TNR: variants seen among roughly 807,000 people sequenced by gnomAD.
TNR encodes tenascin R, also known as tenascin-R.
In TNR, 45 loss-of-function variants were observed where a neutral mutation model predicts 150.4. The observed-to-expected ratio is 0.30, with a 90% CI of 0.24 to 0.38. The LOEUF is 0.38. Among genes scored for constraint, TNR ranks in the 10% least tolerant of loss-of-function variants. The pLI, the probability that TNR is intolerant of heterozygous loss-of-function variation, is 1.00. For synonymous variants in TNR, 687 were observed against 678.4 expected, an observed-to-expected ratio of 1.01 and a Z score of -0.20; for missense variants, 1,544 against 1,759.1, an observed-to-expected ratio of 0.88 and a Z score of 2.19.
intron 1 of TNR, among the ~76,000 whole-genome samples, chr1:175,647,499 G>C (rs1664843403): frequency 1.3e-5 from 2 of 150,896 alleles, no homozygotes; most frequent in South Asian, 4.2e-4. Context: ...AAGAAGCAAA[G>C]TAAAGGGAAG....
chr1:175,380,760 A>G (rs1414708989), intron 8 of TNR, among the ~76,000 whole-genome samples: 1 of 152,176 alleles, frequency 6.6e-6, no homozygotes, highest in Non-Finnish European at 1.5e-5. Context: ...AACAGCATAA[A>G]CAACTTGCAG....
At chr1:175,397,017 C>A (rs539551026) in intron 4 of TNR, among the ~76,000 whole-genome samples, 1 of 152,200 alleles carries the variant, frequency 6.6e-6, no homozygotes, top group African/African-American at 2.4e-5. Flanking sequence ...CATGAACATG[C>A]ACTGGAGCCA....
At chr1:175,729,167 CA>C (rs2101951612) in intron 1 of TNR, among the ~76,000 whole-genome samples, 1 of 152,180 alleles carries the variant, frequency 6.6e-6, no homozygotes, top group Non-Finnish European at 1.5e-5. Context: ...TCCTTCCTTC[CA>C]TTTTTTTTAA....
chr1:175,467,837 G>A (rs1349331323), intron 2 of TNR, among the ~76,000 whole-genome samples: 1 of 152,130 alleles, frequency 6.6e-6, no homozygotes, highest in Non-Finnish European at 1.5e-5. Context: ...ACTCCATTGG[G>A]CAAAGAAATT....
chr1:175,323,176 G>A lies in TNR; in HGVS notation c.*181C>T. 1.4e-6 allele frequency: 1 copy of A among 700,964 alleles called. No homozygotes were observed. Among genetic ancestry groups the A allele is most frequent in the Non-Finnish European group, 2.2e-6 (1 of 450,768 alleles). The allele number at this position is 700,964 out of a possible 1,614,324, so 43.4% of individuals were successfully genotyped here. On this transcript the variant is annotated 3_prime_UTR_variant, in exon 23 of 23. Coordinates refer to ENST00000367674, the MANE Select transcript of TNR (RefSeq NM_003285.3). ...AGGGAGAATGGAGACTGAGGGTCAG[G>A]CTCCAGGGCAGCAGAAACCAAGAGC... is the stretch of plus-strand genomic sequence containing the variant.
rs907027884 is a variant in TNR at position 175,362,025 on chromosome 1, C to A, written c.2854+638G>T. Among the ~76,000 whole-genome samples, 3 of 152,170 alleles carry A rather than the reference C, an allele frequency of 2.0e-5. No homozygotes were observed. In the South Asian group the frequency reaches 6.2e-4, roughly 31 times the overall value. ...TCCCTTGCACCTCCCTTCCTCTGGT[C>A]ATTATGTAGGAGCTGATGGAGGATG... On this transcript the variant is annotated intron_variant, in intron 14 of 22. Transcript: ENST00000367674.
intron 1 of TNR, among the ~76,000 whole-genome samples, chr1:175,545,414 T>G (rs894361551): frequency 4.0e-5 from 6 of 151,614 alleles, no homozygotes; most frequent in Non-Finnish European, 7.4e-5. Context: ...AAGAAATATA[T>G]AGAGAGAAAC....
intron 1 of TNR, among the ~76,000 whole-genome samples, chr1:175,658,986 A>T (rs1665279449): frequency 6.6e-6 from 1 of 152,206 alleles, no homozygotes; most frequent in Non-Finnish European, 1.5e-5. Context: ...GGATTCTCAA[A>T]CTAAGCACTT....
intron 1 of TNR, among the ~76,000 whole-genome samples, chr1:175,657,576 A>G (rs1316215513): frequency 6.6e-6 from 1 of 151,960 alleles, no homozygotes; most frequent in Non-Finnish European, 1.5e-5. Context: ...TACACCATGG[A>G]ATACTATGCA....
At chr1:175,362,407 C>T (rs954699807) in intron 14 of TNR, among the ~76,000 whole-genome samples, 1 of 152,154 alleles carries the variant, frequency 6.6e-6, no homozygotes, top group Non-Finnish European at 1.5e-5. Flanking sequence ...TCTGAAAGGG[C>T]ACTGTTTATG....
At chr1:175,517,014 AG>A (rs1659434857) in intron 2 of TNR, among the ~76,000 whole-genome samples, 2 of 3,084 alleles carry the variant, frequency 6.5e-4, no homozygotes, top group Non-Finnish European at 1.4e-3. Flanking sequence ...CTGAAAGCTG[AG>A]AGAGAGAGAG....
chr1:175,478,527 G>A (rs1434775785), intron 2 of TNR, among the ~76,000 whole-genome samples: 1 of 152,106 alleles, frequency 6.6e-6, no homozygotes, highest in African/African-American at 2.4e-5. Flanking sequence ...ATAGGGCAGA[G>A]GCTACCCTGG....
intron 2 of TNR, among the ~76,000 whole-genome samples, chr1:175,466,374 C>T (rs1657036465): frequency 6.6e-6 from 1 of 152,180 alleles, no homozygotes; most frequent in Non-Finnish European, 1.5e-5. Flanking sequence ...TTCCCCAGTT[C>T]TAGATATGTA....
At chr1:175,331,065 C>CTTTCTTTCTTTCTTTCTT (rs1649807076) in intron 20 of TNR, among the ~76,000 whole-genome samples, 1 of 129,800 alleles carries the variant, frequency 7.7e-6, no homozygotes, top group Non-Finnish European at 1.6e-5. Flanking sequence ...TTCTTTCTTT[C>CTTTCTTTCTTTCTTTCTT]TTTCTTTCTT....
intron 1 of TNR, among the ~76,000 whole-genome samples, chr1:175,630,420 A>G (rs1284249420): frequency 6.6e-6 from 1 of 152,228 alleles, no homozygotes. Flanking sequence ...CAGTTATTTG[A>G]TAATGATAAC....
chr1:175,614,518 T>A (rs926347021), intron 1 of TNR, among the ~76,000 whole-genome samples: 5 of 152,244 alleles, frequency 3.3e-5, no homozygotes, highest in Non-Finnish European at 5.9e-5. Context: ...CTTTTTCCAC[T>A]TTCTAGGCAT....
chr1:175,497,624 T>C (rs891622203), intron 2 of TNR, among the ~76,000 whole-genome samples: 3 of 152,124 alleles, frequency 2.0e-5, no homozygotes, highest in South Asian at 2.1e-4. Flanking sequence ...GTGGGAGAAA[T>C]AGGCTTCCCC....
intron 1 of TNR, among the ~76,000 whole-genome samples, chr1:175,529,816 T>C (rs1659995636): frequency 6.6e-6 from 1 of 152,176 alleles, no homozygotes; most frequent in Non-Finnish European, 1.5e-5. Context: ...CTAACCTCAC[T>C]CTCAGAAAGC....
At chr1:175,728,280 A>G (rs1667535285) in intron 1 of TNR, among the ~76,000 whole-genome samples, 1 of 152,210 alleles carries the variant, frequency 6.6e-6, no homozygotes, top group Non-Finnish European at 1.5e-5. Flanking sequence ...GGAATACTAG[A>G]GCCAGAAGGA....
Sources: gnomAD v4.1 joint callset for allele counts (sites outside exome capture counted in the v4.1 genomes callset) on GRCh38, gnomAD v4.1.1 for gene constraint, MANE v1.5 for transcripts, NCBI Gene and HGNC (gene_info 2026-07-23, HGNC 2026-07-21) for gene names.